ENOX1: variants seen among roughly 807,000 people sequenced by gnomAD.
ENOX1 encodes the protein candidate growth-related and time keeping constitutive hydroquinone (NADH) oxidase.
In ENOX1, 42 loss-of-function variants were observed where a neutral mutation model predicts 82.5. The observed-to-expected ratio is 0.51, with a 90% CI of 0.40 to 0.66. ENOX1 has a LOEUF of 0.66. ENOX1 is among the 30% of genes least tolerant of loss of function. ENOX1 has a pLI of 0.00. For missense variants in ENOX1, 608 were observed against 811.6 expected (o/e 0.75, Z 3.05); for synonymous variants, 271 against 282.2 (o/e 0.96, Z 0.40).
intron 3 of ENOX1, among the ~76,000 whole-genome samples, chr13:43,442,652 G>T (rs894371194): frequency 6.6e-6 from 1 of 152,110 alleles, no homozygotes; most frequent in African/African-American, 2.4e-5. Flanking sequence ...CAATATTTTT[G>T]GTTCTTTGGA....
At chr13:43,755,159 T>A (rs770813204) in intron 1 of ENOX1, among the ~76,000 whole-genome samples, 1 of 152,046 alleles carries the variant, frequency 6.6e-6, no homozygotes, top group African/African-American at 2.4e-5. Context: ...AAAAAATCAA[T>A]GCATGTTCCT....
At chr13:43,446,288 G>C (rs2056645430) in intron 3 of ENOX1, among the ~76,000 whole-genome samples, 1 of 152,064 alleles carries the variant, frequency 6.6e-6, no homozygotes, top group Admixed American at 6.6e-5. Context: ...AATATTTGTG[G>C]AGTGACTACA....
intron 5 of ENOX1, among the ~76,000 whole-genome samples, chr13:43,374,612 T>C (rs2051491122): frequency 6.6e-6 from 1 of 152,256 alleles, no homozygotes; most frequent in South Asian, 2.1e-4. Context: ...AGGTACTTCA[T>C]TCAGGGGTCT....
At chr13:43,713,555 G>T (rs1229895425) in intron 1 of ENOX1, among the ~76,000 whole-genome samples, 2 of 152,058 alleles carry the variant, frequency 1.3e-5, no homozygotes, top group Non-Finnish European at 2.9e-5. Context: ...GACTCTTTTT[G>T]GTTGGCAAGC....
intron 2 of ENOX1, among the ~76,000 whole-genome samples, chr13:43,582,366 G>GA (rs1443520227): frequency 6.6e-6 from 1 of 151,876 alleles, no homozygotes; most frequent in African/African-American, 2.4e-5. Context: ...GGAGTTAAAG[G>GA]AAACAAAACT....
chr13:43,321,410 TTA>T (rs1417294702), intron 11 of ENOX1, among the ~76,000 whole-genome samples: 1 of 152,240 alleles, frequency 6.6e-6, no homozygotes, highest in East Asian at 1.9e-4. Flanking sequence ...GAGCTTTTTC[TTA>T]TGACCATCAC....
intron 1 of ENOX1, among the ~76,000 whole-genome samples, chr13:43,778,497 T>A (rs1272800460): frequency 6.6e-6 from 1 of 152,062 alleles, no homozygotes; most frequent in Non-Finnish European, 1.5e-5. Flanking sequence ...CAGATACAAA[T>A]GCACAGAGTC....
At chr13:43,666,538 T>C (rs540876436) in intron 2 of ENOX1, among the ~76,000 whole-genome samples, 108 of 151,816 alleles carry the variant, frequency 7.1e-4, no homozygotes, top group Middle Eastern at 3.4e-3. Context: ...AAGGAATGCC[T>C]GAGGCTGCCA....
chr13:43,705,329 T>TA (rs1479690154), intron 1 of ENOX1, among the ~76,000 whole-genome samples: 4 of 21,498 alleles, frequency 1.9e-4, no homozygotes, highest in African/African-American at 4.1e-4. Context: ...TCTCTCTCTC[T>TA]CTATATATAT....
intron 14 of ENOX1, among the ~76,000 whole-genome samples, chr13:43,253,653 C>T (rs1170760811): frequency 2.0e-5 from 3 of 152,190 alleles, no homozygotes; most frequent in Non-Finnish European, 4.4e-5. Flanking sequence ...AAACAAATGT[C>T]TAGGAAGCCC....
chr13:43,279,834 C>T (rs981426753), intron 12 of ENOX1, among the ~76,000 whole-genome samples: 2 of 152,212 alleles, frequency 1.3e-5, no homozygotes, highest in African/African-American at 2.4e-5. Context: ...GGTTGTTCAG[C>T]CCCAGCCTAG....
intron 5 of ENOX1, among the ~76,000 whole-genome samples, chr13:43,383,939 A>G (rs1168229249): frequency 6.6e-6 from 1 of 152,214 alleles, no homozygotes; most frequent in African/African-American, 2.4e-5. Context: ...TAAGTGTCCC[A>G]GAATGTAAAG....
intron 5 of ENOX1, among the ~76,000 whole-genome samples, chr13:43,408,527 G>C (rs373175259): frequency 1.3e-5 from 2 of 152,242 alleles, no homozygotes; most frequent in East Asian, 3.9e-4. Context: ...AACATTAAAG[G>C]CTGCCTCTAA....
chr13:43,569,666 T>TAAA (rs34098825), intron 2 of ENOX1, among the ~76,000 whole-genome samples: 129,174 of 150,374 alleles, frequency 0.86, 55,608 homozygotes, highest in South Asian at 0.92. Context: ...CTTAGTGGTT[T>TAAA]AAAAAAAAAA....
intron 1 of ENOX1, among the ~76,000 whole-genome samples, chr13:43,767,631 G>A (rs1951355695): frequency 6.6e-6 from 1 of 152,230 alleles, no homozygotes; most frequent in African/African-American, 2.4e-5. Context: ...CAGCAGATAT[G>A]CTGTAATGGG....
rs2043185039 is a variant in ENOX1, at chr13:43,247,854, TATATATATATATATATATATA to T, written c.1612-11137_1612-11117del. Among the ~76,000 whole-genome samples the T allele has an allele frequency of 5.4e-3, 25 of 4,668 alleles. 4 individuals are homozygous for T. Among genetic ancestry groups the T allele is most frequent in the East Asian group, 0.048 (2 of 42 alleles). 3.1% of individuals were successfully genotyped at this position (4,668 alleles called of 152,430 possible). A position where few individuals can be genotyped will look rare whatever the true frequency, so the allele number is the denominator to read the frequency against. On this transcript the variant is annotated intron_variant, in intron 14 of 16. Transcript: ENST00000690772. ...ATATATATATATATATATATATATA[TATATATATATATATATATATA>T]TATATATATTTTTTTTTTTTTTTTT... is the stretch of plus-strand genomic sequence containing the variant.
chr13:43,589,098 G>A (rs1164580333), intron 2 of ENOX1, among the ~76,000 whole-genome samples: 2 of 150,946 alleles, frequency 1.3e-5, no homozygotes, highest in East Asian at 2.0e-4. Flanking sequence ...AACAAGGGAA[G>A]CTAACAAAAG....
intron 9 of ENOX1, among the ~76,000 whole-genome samples, chr13:43,339,091 A>G (rs1332166481): frequency 1.3e-5 from 2 of 152,246 alleles, no homozygotes; most frequent in Non-Finnish European, 2.9e-5. Flanking sequence ...GACCAGAGAT[A>G]TAAAAAAGGT....
intron 2 of ENOX1, among the ~76,000 whole-genome samples, chr13:43,640,944 T>C (rs537037491): frequency 1.3e-5 from 2 of 151,330 alleles, no homozygotes; most frequent in South Asian, 4.2e-4. Flanking sequence ...ACACGTAACC[T>C]ACAGCAAAAT....
Sources: gnomAD v4.1 joint callset for allele counts (sites outside exome capture counted in the v4.1 genomes callset) on GRCh38, gnomAD v4.1.1 for gene constraint, MANE v1.5 for transcripts, NCBI Gene and HGNC (gene_info 2026-07-23, HGNC 2026-07-21) for gene names.